The following UBE3D variants were observed in gnomAD, a reference collection of about 807,000 sequenced individuals.
UBE3D encodes the protein ubiquitin protein ligase E3D.
In UBE3D, 48 loss-of-function variants were observed where a neutral mutation model predicts 49.6. The observed-to-expected ratio is 0.97, with a 90% CI of 0.77 to 1.23. UBE3D has a LOEUF of 1.23. UBE3D is among the 50% of genes most tolerant of loss of function. UBE3D has a pLI of 0.00. For missense variants in UBE3D, 452 were observed against 468.4 expected (o/e 0.96, Z 0.32); for synonymous variants, 189 against 174.2 (o/e 1.08, Z -0.67).
chr6:82,950,720 T>G (rs1775728591), intron 9 of UBE3D, among the ~76,000 whole-genome samples: 1 of 152,128 alleles, frequency 6.6e-6, no homozygotes, highest in Non-Finnish European at 1.5e-5. Context: ...CATCAACAGA[T>G]GAATGAATAA....
chr6:82,929,210 C>T (rs1274456843), intron 9 of UBE3D, among the ~76,000 whole-genome samples: 1 of 152,086 alleles, frequency 6.6e-6, no homozygotes, highest in Non-Finnish European at 1.5e-5. Flanking sequence ...GGCTCTTCAA[C>T]AGCCATGTTT....
chr6:83,030,378 T>C (rs1166466343), intron 5 of UBE3D, among the ~76,000 whole-genome samples: 1 of 152,098 alleles, frequency 6.6e-6, no homozygotes, highest in Admixed American at 6.6e-5. Context: ...TGAATAAGTC[T>C]CATGAGATCT....
At chr6:82,902,847 G>T (rs1057493140) in intron 9 of UBE3D, among the ~76,000 whole-genome samples, 2 of 152,180 alleles carry the variant, frequency 1.3e-5, no homozygotes, top group Non-Finnish European at 2.9e-5. Flanking sequence ...TAAGTGCCAA[G>T]CATGGTACCA....
chr6:82,989,316 C>T (rs906306544), intron 8 of UBE3D, among the ~76,000 whole-genome samples: 8 of 151,906 alleles, frequency 5.3e-5, no homozygotes, highest in Non-Finnish European at 7.4e-5. Context: ...GAAATTACTC[C>T]GATGGGGTTT....
intron 4 of UBE3D, among the ~76,000 whole-genome samples, chr6:83,043,901 C>T (rs953433599): frequency 3.9e-5 from 6 of 152,218 alleles, no homozygotes; most frequent in Admixed American, 6.5e-5. Context: ...CCTGACCTCA[C>T]ACTGTCAAGC....
intron 4 of UBE3D, among the ~76,000 whole-genome samples, chr6:83,041,800 AG>A (rs771651627): frequency 6.6e-6 from 1 of 152,244 alleles, no homozygotes; most frequent in Non-Finnish European, 1.5e-5. Flanking sequence ...CCTTGCTAGC[AG>A]TAATATTAAT....
chr6:83,029,684 T>C (rs891046228), intron 5 of UBE3D, among the ~76,000 whole-genome samples: 6 of 152,370 alleles, frequency 3.9e-5, no homozygotes, highest in Admixed American at 3.3e-4. Context: ...GTGCAATATG[T>C]TGTAGCAACT....
At chr6:82,923,737 A>G (rs562326946) in intron 9 of UBE3D, among the ~76,000 whole-genome samples, 2 of 152,348 alleles carry the variant, frequency 1.3e-5, no homozygotes, top group South Asian at 4.1e-4. Flanking sequence ...TAAATAAAAG[A>G]GGAACATCTG....
intron 3 of UBE3D, among the ~76,000 whole-genome samples, chr6:83,052,511 C>T (rs567082647): frequency 6.6e-6 from 1 of 152,220 alleles, no homozygotes; most frequent in Middle Eastern, 3.4e-3. Context: ...GAGGGGGAGA[C>T]AGAGTGTGGG....
intron 6 of UBE3D, 119 bp downstream of exon 6, chr6:83,023,850 T>A: frequency 1.6e-6 from 1 of 632,920 alleles, no homozygotes; most frequent in Non-Finnish European, 2.6e-6. Context: ...GCAAACATCA[T>A]CTGTTCCCAA....
At chr6:82,954,794 G>A (rs1344630732) in intron 9 of UBE3D, among the ~76,000 whole-genome samples, 1 of 152,172 alleles carries the variant, frequency 6.6e-6, no homozygotes, top group African/African-American at 2.4e-5. Flanking sequence ...TTCTAATCCT[G>A]ACACACACTT....
At chr6:83,013,039 T>C (rs990328644) in intron 8 of UBE3D, among the ~76,000 whole-genome samples, 1 of 152,158 alleles carries the variant, frequency 6.6e-6, no homozygotes, top group Non-Finnish European at 1.5e-5. Context: ...GTGGTAGGAA[T>C]GGAGACCATG....
In UBE3D at chr6:82,944,412, T is replaced by C. The variant is rs115272001; in HGVS notation, c.1149+12900A>G. 6.1e-3 allele frequency among the ~76,000 whole-genome samples: 926 copies of C among 152,208 alleles called. 12 individuals are homozygous for C. Among genetic ancestry groups the C allele is most frequent in the African/African-American group, 0.021 (873 of 41,520 alleles). On this transcript the variant is annotated intron_variant, in intron 9 of 9. Coordinates refer to ENST00000369747, the MANE Select transcript of UBE3D (RefSeq NM_198920.3). ...AAGGACCCAGTCCAGGCAAAGCCTA[T>C]CATCTGATGACTAAAGAGCCCCTGG...
intron 8 of UBE3D, among the ~76,000 whole-genome samples, chr6:83,014,287 T>A (rs970119671): frequency 6.6e-6 from 1 of 152,190 alleles, no homozygotes; most frequent in African/African-American, 2.4e-5. Context: ...TGGCACTAAT[T>A]TCAGCAGTCC....
chr6:83,014,510 C>A (rs1285636365), intron 8 of UBE3D, among the ~76,000 whole-genome samples: 1 of 152,112 alleles, frequency 6.6e-6, no homozygotes, highest in African/African-American at 2.4e-5. Flanking sequence ...CCCAATGGAC[C>A]CACTGTAAGT....
chr6:82,933,189 C>T (rs1411620720), intron 9 of UBE3D, among the ~76,000 whole-genome samples: 1 of 152,050 alleles, frequency 6.6e-6, no homozygotes, highest in East Asian at 1.9e-4. Flanking sequence ...GTGATAAGCA[C>T]CTGAAAGACA....
At chr6:83,017,036 A>C (rs187754059) in intron 8 of UBE3D, 5 of 152,320 alleles carry the variant, frequency 3.3e-5, no homozygotes, top group Admixed American at 6.5e-5. Flanking sequence ...ACACCCTCAT[A>C]GACACACCCA....
rs777809148 is a variant in UBE3D at position 82,893,011 on chromosome 6, A to G, written c.*11T>C. The G allele has an allele frequency of 3.7e-6, 6 of 1,613,648 alleles. No homozygotes were observed. The highest frequency in any genetic ancestry group is 5.1e-6 in the Non-Finnish European group (6 of 1,179,870). ...TGTCTGCCGGGGGAGGAGAATGCCC[A>G]GCTCTAATAGTTACATCTTCAAAAA... is the stretch of plus-strand genomic sequence containing the variant. On this transcript the variant is annotated 3_prime_UTR_variant, in exon 10 of 10. Coordinates refer to ENST00000369747, the MANE Select transcript of UBE3D (RefSeq NM_198920.3).
At chr6:82,962,631 A>T (rs1392697862) in intron 8 of UBE3D, among the ~76,000 whole-genome samples, 1 of 152,216 alleles carries the variant, frequency 6.6e-6, no homozygotes, top group Admixed American at 6.5e-5. Flanking sequence ...TTAATCCTTA[A>T]AATATTCTGT....
Sources: allele counts gnomAD v4.1 joint callset (sites outside exome capture counted in the v4.1 genomes callset), GRCh38; gene constraint gnomAD v4.1.1; transcripts MANE v1.5; gene names NCBI Gene and HGNC (gene_info 2026-07-23, HGNC 2026-07-21).